Variants in ADAM32 observed in about 807,000 individuals in gnomAD.
ADAM32 encodes the protein disintegrin and metalloproteinase domain-containing protein 32.
Under a neutral mutation model 114.9 loss-of-function variants are expected in ADAM32, and 89 were observed. The observed-to-expected ratio is 0.77, with a 90% CI of 0.65 to 0.92. The LOEUF (loss-of-function observed/expected upper bound fraction) is 0.92. Among genes scored for constraint, ADAM32 ranks in the 40% least tolerant of loss-of-function variants. The pLI is 0.00. For missense variants in ADAM32, 870 were observed against 932.8 expected, an observed-to-expected ratio of 0.93 and a Z score of 0.88; for synonymous variants, 285 against 307.5, an observed-to-expected ratio of 0.93 and a Z score of 0.77.
chr8:39,120,644 C>T (rs564600834), intron 2 of ADAM32, among the ~76,000 whole-genome samples: 12 of 151,564 alleles, frequency 7.9e-5, no homozygotes, highest in Admixed American at 2.0e-4. Context: ...CACCTGTAGT[C>T]CCAGCTACTC....
At chr8:39,269,378 G>A (rs2129451229) in intron 19 of ADAM32, among the ~76,000 whole-genome samples, 1 of 152,318 alleles carries the variant, frequency 6.6e-6, no homozygotes, top group South Asian at 2.1e-4. Context: ...CATTTTGTCT[G>A]TATTTTTAGA....
chr8:39,200,186 G>A (rs906805830), intron 11 of ADAM32, among the ~76,000 whole-genome samples: 4 of 152,306 alleles, frequency 2.6e-5, no homozygotes, highest in African/African-American at 9.6e-5. Flanking sequence ...AGGTCCTTGA[G>A]GAATTGCCAC....
chr8:39,212,027 A>AT (rs1366192497), intron 12 of ADAM32, among the ~76,000 whole-genome samples: 1 of 151,924 alleles, frequency 6.6e-6, no homozygotes, highest in Non-Finnish European at 1.5e-5. Context: ...TAATTAATTT[A>AT]TTTTTTGAGA....
intron 6 of ADAM32, among the ~76,000 whole-genome samples, chr8:39,155,660 G>A (rs754710528): frequency 1.2e-4 from 18 of 152,222 alleles, no homozygotes; most frequent in Admixed American, 7.9e-4. Context: ...TGTGGATCTC[G>A]ACTCACTGCA....
chr8:39,157,531 C>A, intron 6 of ADAM32: 1 of 474,892 alleles, frequency 2.1e-6, no homozygotes, highest in South Asian at 1.6e-5. Context: ...ACAATCTGTT[C>A]CTGGCATTAA....
chr8:39,244,572 G>A (rs1269315382), intron 16 of ADAM32, among the ~76,000 whole-genome samples: 2 of 152,186 alleles, frequency 1.3e-5, no homozygotes, highest in African/African-American at 4.8e-5. Context: ...TCGACAAATG[G>A]TGGTGGGATA....
intron 11 of ADAM32, among the ~76,000 whole-genome samples, chr8:39,193,324 T>G (rs2129447484): frequency 6.6e-6 from 1 of 152,346 alleles, no homozygotes; most frequent in East Asian, 1.9e-4. Context: ...TATGAAATTT[T>G]TATACTGTGT....
At chr8:39,209,969 T>C (rs1808102596) in intron 11 of ADAM32, among the ~76,000 whole-genome samples, 1 of 152,224 alleles carries the variant, frequency 6.6e-6, no homozygotes, top group African/African-American at 2.4e-5. Context: ...CAGTAATGGT[T>C]AGGGTTTGCT....
intron 12 of ADAM32, among the ~76,000 whole-genome samples, chr8:39,220,557 T>C (rs1808890185): frequency 6.6e-6 from 1 of 152,070 alleles, no homozygotes. Flanking sequence ...TTTATTCTTA[T>C]AAACTACCAT....
Position 39,195,647 on chromosome 8 carries a change from A to T in ADAM32, c.1052+8602A>T, listed in dbSNP as rs1022581902. ...CCTAGTTTCATTCTTCTGCATATGG[A>T]TATCCAGTTATTCCCAGCACACGTA... On this transcript the variant is annotated intron_variant, in intron 11 of 24. Coordinates refer to ENST00000379907, the MANE Select transcript of ADAM32 (RefSeq NM_145004.7). Among the ~76,000 whole-genome samples the T allele has an allele frequency of 4.1e-4, 62 of 150,732 alleles. 1 individual carries two copies. The highest frequency in any genetic ancestry group is 3.0e-5 in the Non-Finnish European group (2 of 67,484).
chr8:39,225,068 T>C (rs1473887103), intron 14 of ADAM32, among the ~76,000 whole-genome samples: 1 of 152,150 alleles, frequency 6.6e-6, no homozygotes, highest in Non-Finnish European at 1.5e-5. Context: ...TGCCTCTGGC[T>C]CCATGGAAAA....
chr8:39,188,487 C>T (rs1806396890), intron 11 of ADAM32, among the ~76,000 whole-genome samples: 1 of 152,060 alleles, frequency 6.6e-6, no homozygotes, highest in Admixed American at 6.5e-5. Flanking sequence ...TATGCTAGGA[C>T]AATGTTTTGT....
At chr8:39,170,327 A>G (rs1585447321) in intron 10 of ADAM32, among the ~76,000 whole-genome samples, 1 of 152,180 alleles carries the variant, frequency 6.6e-6, no homozygotes, top group African/African-American at 2.4e-5. Context: ...AATTGGAGAA[A>G]TATTCTTATA....
In ADAM32 at chr8:39,158,102, GCTTCACAGGTA is replaced by G. The variant is rs369208839; in HGVS notation, c.526-2793_526-2783del. On this transcript the variant is annotated intron_variant, in intron 6 of 24. Transcript: ENST00000379907. ...ATCATCTTGTCCTGCCCAAACGCTTGCTTCACAGGTACCTGGTCCTCTAGCCTCTCCAGAGA... is the reference window on the plus strand; with the variant it reads ...ATCATCTTGTCCTGCCCAAACGCTTGCCTGGTCCTCTAGCCTCTCCAGAGA... 3.9e-3 allele frequency: 894 copies of G among 227,084 alleles called. 3 individuals carry two copies. The highest frequency in any genetic ancestry group is 0.019 in the African/African-American group (824 of 43,560). 14.1% of individuals were successfully genotyped at this position (227,084 alleles called of 1,614,324 possible). A position where few individuals can be genotyped will look rare whatever the true frequency, so the allele number is the denominator to read the frequency against.
chr8:39,167,174 C>G (rs1448084197), intron 9 of ADAM32: 2 of 152,054 alleles, frequency 1.3e-5, no homozygotes, highest in African/African-American at 4.8e-5. Flanking sequence ...AGTTTCAGAT[C>G]TTAGTTTAAG....
intron 14 of ADAM32, among the ~76,000 whole-genome samples, chr8:39,227,639 G>A (rs1809469042): frequency 1.3e-5 from 2 of 152,080 alleles, no homozygotes; most frequent in Non-Finnish European, 2.9e-5. Flanking sequence ...AGTGACCTGG[G>A]AATCTCACCC....
intron 12 of ADAM32, among the ~76,000 whole-genome samples, chr8:39,218,604 T>C (rs1181706367): frequency 2.6e-5 from 4 of 152,046 alleles, no homozygotes; most frequent in Non-Finnish European, 5.9e-5. Flanking sequence ...CTACTCTTAC[T>C]TTTTTTCCCA....
At chr8:39,151,050 C>T (rs1803793676) in intron 5 of ADAM32, among the ~76,000 whole-genome samples, 1 of 140,710 alleles carries the variant, frequency 7.1e-6, no homozygotes, top group Non-Finnish European at 1.6e-5. Context: ...GAGAGAAAGT[C>T]ATCATGATTT....
chr8:39,276,408 CAGTA>C (rs973104264), intron 22 of ADAM32: 4 of 152,146 alleles, frequency 2.6e-5, no homozygotes, highest in African/African-American at 9.7e-5. Flanking sequence ...TATAATAACT[CAGTA>C]AGTATCTAGT....
Sources: allele counts gnomAD v4.1 joint callset (sites outside exome capture counted in the v4.1 genomes callset), GRCh38; gene constraint gnomAD v4.1.1; transcripts MANE v1.5; gene names NCBI Gene and HGNC (gene_info 2026-07-23, HGNC 2026-07-21).